The following CAMKMT variants were observed in gnomAD, a reference collection of about 807,000 sequenced individuals.
CAMKMT encodes the protein CaM KMT.
Under a neutral mutation model 48.0 loss-of-function variants are expected in CAMKMT, and 53 were observed. The observed-to-expected ratio is 1.10, with a 90% CI of 0.89 to 1.39. CAMKMT has a LOEUF of 1.39. Ranked by LOEUF, CAMKMT falls within the 40% of genes most tolerant of loss-of-function variation. The probability of loss-of-function intolerance (pLI) is 0.00; values close to 1 mark genes in which losing one functional copy is unlikely to be tolerated. For synonymous variants in CAMKMT, 165 were observed against 152.3 expected (o/e 1.08, Z -0.61); for missense variants, 428 against 402.7 (o/e 1.06, Z -0.54).
intron 3 of CAMKMT, among the ~76,000 whole-genome samples, chr2:44,449,771 C>T (rs999172131): frequency 1.3e-5 from 2 of 152,132 alleles, no homozygotes; most frequent in Admixed American, 6.6e-5. Flanking sequence ...ATAACACTTT[C>T]ACAAGTAAAA....
chr2:44,522,624 A>G (rs547527827), intron 3 of CAMKMT, among the ~76,000 whole-genome samples: 77 of 152,216 alleles, frequency 5.1e-4, no homozygotes, highest in Admixed American at 1.9e-3. Context: ...TTTTACAGCC[A>G]CACTCTGAGA....
chr2:44,465,853 A>G (rs756642297), intron 3 of CAMKMT, among the ~76,000 whole-genome samples: 10 of 152,210 alleles, frequency 6.6e-5, no homozygotes, highest in Non-Finnish European at 1.5e-4. Flanking sequence ...AAGATACTCC[A>G]TGCAAATAGC....
intron 3 of CAMKMT, among the ~76,000 whole-genome samples, chr2:44,463,493 GTA>G (rs1262844854): frequency 6.6e-6 from 1 of 152,134 alleles, no homozygotes; most frequent in Admixed American, 6.5e-5. Context: ...AAAGTGAAAT[GTA>G]CATGCAATAT....
At chr2:44,430,035 T>G (rs1357011554) in intron 3 of CAMKMT, among the ~76,000 whole-genome samples, 1 of 151,916 alleles carries the variant, frequency 6.6e-6, no homozygotes, top group Non-Finnish European at 1.5e-5. Flanking sequence ...GAGAGAATTT[T>G]GGGGGGAAAT....
At chr2:44,704,482 CAG>C (rs1313091445) in intron 4 of CAMKMT, 139 bp downstream of exon 4, 8 of 591,672 alleles carry the variant, frequency 1.4e-5, no homozygotes, top group South Asian at 3.4e-5. Flanking sequence ...AAAAGGAAAA[CAG>C]AAAGAGGGGA....
At chr2:44,557,776 T>G (rs555219042) in intron 3 of CAMKMT, among the ~76,000 whole-genome samples, 15 of 152,372 alleles carry the variant, frequency 9.8e-5, no homozygotes, top group African/African-American at 1.4e-4. Context: ...TAAGTCACTT[T>G]TTTTTATTTT....
chr2:44,367,273 C>G (rs986149577), intron 1 of CAMKMT, among the ~76,000 whole-genome samples: 2 of 151,934 alleles, frequency 1.3e-5, no homozygotes, highest in Non-Finnish European at 2.9e-5. Flanking sequence ...GGTTAAGTAT[C>G]CCTAATACAA....
chr2:44,678,681 G>T (rs1017192925), intron 3 of CAMKMT, among the ~76,000 whole-genome samples: 4 of 152,134 alleles, frequency 2.6e-5, no homozygotes, highest in Non-Finnish European at 5.9e-5. Context: ...TATGTTTTGT[G>T]CTTGTATTTT....
intron 3 of CAMKMT, among the ~76,000 whole-genome samples, chr2:44,475,874 G>C (rs1387177060): frequency 6.6e-6 from 1 of 152,218 alleles, no homozygotes; most frequent in Non-Finnish European, 1.5e-5. Flanking sequence ...GAAAGTCTGT[G>C]ACTGCATTCT....
chr2:44,370,369 G>A (rs981856984), intron 1 of CAMKMT, among the ~76,000 whole-genome samples: 2 of 151,912 alleles, frequency 1.3e-5, no homozygotes, highest in African/African-American at 2.4e-5. Flanking sequence ...TAGACTATTC[G>A]GATTTTCCGT....
At chr2:44,769,194 G>A (rs1680995861) in intron 10 of CAMKMT, among the ~76,000 whole-genome samples, 1 of 151,526 alleles carries the variant, frequency 6.6e-6, no homozygotes, top group South Asian at 2.1e-4. Context: ...TCAGTGATCA[G>A]GAGGAACAGC....
chr2:44,733,603 G>T (rs1679197970), intron 7 of CAMKMT, among the ~76,000 whole-genome samples: 1 of 152,102 alleles, frequency 6.6e-6, no homozygotes, highest in Non-Finnish European at 1.5e-5. Flanking sequence ...TCAGGCCAAA[G>T]AATTTCCTTT....
At position 44,390,638 on chromosome 2, in the gene CAMKMT, A is replaced by G. The variant is rs1321837266; in HGVS notation, c.376+333A>G. 3.3e-5 allele frequency among the ~76,000 whole-genome samples: 5 copies of G among 152,020 alleles called. No homozygotes were observed. In the South Asian group the frequency reaches 6.2e-4, roughly 19 times the overall value. On this transcript the variant is annotated intron_variant, in intron 3 of 10. Transcript: ENST00000378494. ...TTATTTTTGTTTCCATTTTGACCTCAGTTAATTCAGTAGTGGGGCTGTTTC... is the reference window on the plus strand; with the variant it reads ...TTATTTTTGTTTCCATTTTGACCTCGGTTAATTCAGTAGTGGGGCTGTTTC...
intron 3 of CAMKMT, among the ~76,000 whole-genome samples, chr2:44,477,615 A>C (rs1454475231): frequency 6.6e-6 from 1 of 152,198 alleles, no homozygotes; most frequent in Non-Finnish European, 1.5e-5. Context: ...GTTATAGTAC[A>C]TTTTTGGTTG....
At chr2:44,752,616 AT>A (rs1162138293) in intron 8 of CAMKMT, among the ~76,000 whole-genome samples, 2 of 152,042 alleles carry the variant, frequency 1.3e-5, no homozygotes, top group Non-Finnish European at 2.9e-5. Flanking sequence ...AATACCACAG[AT>A]TGGGTCATTG....
intron 3 of CAMKMT, among the ~76,000 whole-genome samples, chr2:44,689,154 A>T (rs1201092637): frequency 6.6e-6 from 1 of 152,172 alleles, no homozygotes; most frequent in Non-Finnish European, 1.5e-5. Flanking sequence ...GATGTGGCTG[A>T]ACACCTAAGA....
chr2:44,373,090 C>T (rs1432310118), intron 2 of CAMKMT, among the ~76,000 whole-genome samples: 1 of 152,122 alleles, frequency 6.6e-6, no homozygotes, highest in Non-Finnish European at 1.5e-5. Context: ...AACAAGTTCT[C>T]ACAAATATAG....
intron 3 of CAMKMT, among the ~76,000 whole-genome samples, chr2:44,546,382 G>A (rs1320048150): frequency 6.6e-6 from 1 of 152,144 alleles, no homozygotes. Context: ...CATCAGAGCA[G>A]GCTCAGCCTC....
chr2:44,682,717 C>A (rs749086906), intron 3 of CAMKMT, among the ~76,000 whole-genome samples: 12 of 152,124 alleles, frequency 7.9e-5, no homozygotes, highest in Non-Finnish European at 1.2e-4. Flanking sequence ...AGTGCAGAGA[C>A]AATCGAGAAA....
Sources: allele counts gnomAD v4.1 joint callset (sites outside exome capture counted in the v4.1 genomes callset), GRCh38; gene constraint gnomAD v4.1.1; transcripts MANE v1.5; gene names NCBI Gene and HGNC (gene_info 2026-07-23, HGNC 2026-07-21).